The following ERICH2 variants were observed in gnomAD, a reference collection of about 807,000 sequenced individuals.
The protein encoded by ERICH2 is glutamate-rich protein 2.
A neutral mutation model predicts 17.4 loss-of-function variants in ERICH2; 17 were observed. The ratio of observed to expected loss-of-function variants is 0.98; its 90% CI spans 0.67 to 1.47. The LOEUF is 1.47. Ranked by LOEUF, ERICH2 falls within the 40% of genes most tolerant of loss-of-function variation. ERICH2 has a pLI of 0.00. For missense variants in ERICH2, 186 were observed against 183.2 expected (o/e 1.01, Z -0.09); for synonymous variants, 51 against 61.1 (o/e 0.83, Z 0.77).
intron 3 of ERICH2, among the ~76,000 whole-genome samples, chr2:170,794,328 G>A (rs984041362): frequency 7.9e-5 from 12 of 151,628 alleles, no homozygotes; most frequent in African/African-American, 2.9e-4. Context: ...GGCTGGTCTC[G>A]AACTCTTGGC....
chr2:170,775,807 T>G, the ERICH2 span: 1 of 154,674 alleles, frequency 6.5e-6, no homozygotes, highest in African/African-American at 2.4e-5. Context: ...AGGCAGAAGT[T>G]TATATACAGC....
intron 2 of ERICH2, among the ~76,000 whole-genome samples, chr2:170,786,994 T>C (rs1701174478): frequency 6.6e-6 from 1 of 152,136 alleles, no homozygotes; most frequent in Non-Finnish European, 1.5e-5. Flanking sequence ...TTCTCCTGCT[T>C]ATGGGTCTTA....
chr2:170,793,437 G>A (rs563057618), intron 3 of ERICH2, among the ~76,000 whole-genome samples: 3 of 152,328 alleles, frequency 2.0e-5, no homozygotes, highest in Admixed American at 1.3e-4. Context: ...TAGGGAAGAA[G>A]GAATAGAAGG....
At chr2:170,772,011 C>G in the ERICH2 span, among the ~76,000 whole-genome samples, 3 of 152,180 alleles carry the variant, frequency 2.0e-5, no homozygotes, top group Non-Finnish European at 4.4e-5. Context: ...ATCCCCAAAT[C>G]CAACTTATTT....
chr2:170,790,016 T>C (rs1048028981), intron 2 of ERICH2, among the ~76,000 whole-genome samples: 3 of 152,214 alleles, frequency 2.0e-5, no homozygotes, highest in African/African-American at 7.2e-5. Flanking sequence ...TCTCTACTTT[T>C]GTGTATATTT....
At chr2:170,783,903 C>T in intron 1 of ERICH2, 2 of 1,550,336 alleles carry the variant, frequency 1.3e-6, no homozygotes, top group Non-Finnish European at 1.7e-6. Context: ...CCGTCATACT[C>T]TTGGAAGAAC....
chr2:170,794,105 C>CTTTTTTT (rs59152667), intron 3 of ERICH2, among the ~76,000 whole-genome samples: 179 of 88,136 alleles, frequency 2.0e-3, no homozygotes, highest in East Asian at 3.9e-3. Context: ...TCCTTTCTTT[C>CTTTTTTT]TTTTTTTTTT....
the ERICH2 span, chr2:170,777,376 G>A: frequency 1.2e-5 from 14 of 1,126,200 alleles, no homozygotes; most frequent in Non-Finnish European, 1.5e-5. Context: ...TTCTATTTTA[G>A]ACAGCAAAGA....
At chr2:170,798,491 T>C (rs1292052032) in intron 4 of ERICH2, among the ~76,000 whole-genome samples, 1 of 152,224 alleles carries the variant, frequency 6.6e-6, no homozygotes, top group Non-Finnish European at 1.5e-5. Flanking sequence ...AATTCTATGA[T>C]AGAAAGAATT....
chr2:170,777,877 TA>T, the ERICH2 span: 1 of 397,630 alleles, frequency 2.5e-6, no homozygotes, highest in Admixed American at 4.4e-5. Flanking sequence ...TGAATTTTGA[TA>T]AAAATGCAGA....
chr2:170,790,426 A>G (rs1439979057), intron 2 of ERICH2, among the ~76,000 whole-genome samples: 4 of 152,232 alleles, frequency 2.6e-5, no homozygotes, highest in Non-Finnish European at 5.9e-5. Context: ...CAGGAGTTCA[A>G]GACCAGCCTG....
chr2:170,793,992 A>T (rs1213967815), intron 3 of ERICH2, among the ~76,000 whole-genome samples: 1 of 151,044 alleles, frequency 6.6e-6, no homozygotes, highest in African/African-American at 2.4e-5. Context: ...CACACAAATT[A>T]GACTTTTTTT....
intron 3 of ERICH2, among the ~76,000 whole-genome samples, chr2:170,793,879 TG>T (rs1701347803): frequency 6.6e-6 from 1 of 152,220 alleles, no homozygotes; most frequent in South Asian, 2.1e-4. Flanking sequence ...TTCTTAACTC[TG>T]TGGGTTGATG....
At chr2:170,770,408 GA>G in the ERICH2 span, among the ~76,000 whole-genome samples, 1 of 152,204 alleles carries the variant, frequency 6.6e-6, no homozygotes, top group Non-Finnish European at 1.5e-5. Flanking sequence ...GCGCTAGAGG[GA>G]ACCTGGGCTG....
At chr2:170,784,357 C>T (rs2105693919) in intron 1 of ERICH2, among the ~76,000 whole-genome samples, 1 of 152,180 alleles carries the variant, frequency 6.6e-6, no homozygotes, top group Non-Finnish European at 1.5e-5. Flanking sequence ...AGGGCCAGAC[C>T]GACTCACAGA....
At chr2:170,775,465 A>G in the ERICH2 span, among the ~76,000 whole-genome samples, 2 of 152,122 alleles carry the variant, frequency 1.3e-5, no homozygotes, top group Admixed American at 1.3e-4. Context: ...TATAAATGTG[A>G]TGCTGTACAT....
At chr2:170,785,094 A>G (rs1701126434) in intron 2 of ERICH2, among the ~76,000 whole-genome samples, 1 of 152,160 alleles carries the variant, frequency 6.6e-6, no homozygotes. Flanking sequence ...ACAGTAGTTT[A>G]TTGTATACTT....
intron 3 of ERICH2, among the ~76,000 whole-genome samples, chr2:170,796,462 G>C (rs112413721): frequency 1.6e-5 from 2 of 122,622 alleles, no homozygotes; most frequent in African/African-American, 3.1e-5. Context: ...TTGAGACAGC[G>C]TCTCCCTCAG....
At chr2:170,793,609 G>A (rs1701343187) in intron 3 of ERICH2, among the ~76,000 whole-genome samples, 2 of 152,178 alleles carry the variant, frequency 1.3e-5, no homozygotes, top group African/African-American at 4.8e-5. Flanking sequence ...TAGTGAGGAG[G>A]ACAGTGTAAC....
Sources: gnomAD v4.1 joint callset for allele counts (sites outside exome capture counted in the v4.1 genomes callset) on GRCh38, gnomAD v4.1.1 for gene constraint, MANE v1.5 for transcripts, NCBI Gene and HGNC (gene_info 2026-07-23, HGNC 2026-07-21) for gene names.